The following U2SURP variants were observed in gnomAD, a reference collection of about 807,000 sequenced individuals.
U2SURP encodes the protein U2 snRNP-associated SURP motif-containing protein.
Under a neutral mutation model 144.9 loss-of-function variants are expected in U2SURP, and 9 were observed. The ratio of observed to expected loss-of-function variants is 0.06; its 90% confidence interval spans 0.04 to 0.11. U2SURP has a LOEUF of 0.11. Among genes scored for constraint, U2SURP ranks in the 10% least tolerant of loss-of-function variants. U2SURP has a pLI of 1.00. For missense variants in U2SURP, 724 were observed against 1,226.7 expected, an observed-to-expected ratio of 0.59 and a Z score of 6.12; for synonymous variants, 408 against 396.8, an observed-to-expected ratio of 1.03 and a Z score of -0.33.
intron 16 of U2SURP, among the ~76,000 whole-genome samples, chr3:143,031,483 C>T (rs1560191241): frequency 1.7e-5 from 1 of 60,050 alleles, no homozygotes; most frequent in Non-Finnish European, 3.4e-5. Context: ...ATCAGTTGGC[C>T]ATCAACATTG....
At chr3:143,042,977 T>G in intron 23 of U2SURP, 140 bp from the exon 24 acceptor site, 1 of 752,196 alleles carries the variant, frequency 1.3e-6, no homozygotes, top group South Asian at 3.7e-5. Flanking sequence ...TTGCAAAATA[T>G]GCTTGAGGTA....
At chr3:143,005,574 G>A (rs532596753) in intron 1 of U2SURP, among the ~76,000 whole-genome samples, 1 of 152,224 alleles carries the variant, frequency 6.6e-6, no homozygotes, top group Admixed American at 6.5e-5. Context: ...CCATTTTCTC[G>A]ATTGATAACT....
At chr3:143,052,141 C>G (rs1424897036) in intron 25 of U2SURP, among the ~76,000 whole-genome samples, 2 of 152,176 alleles carry the variant, frequency 1.3e-5, no homozygotes, top group African/African-American at 2.4e-5. Flanking sequence ...AATCCCAGCA[C>G]TTCGGGAGGC....
At chr3:143,041,794 G>T (rs1006882229) in intron 23 of U2SURP, among the ~76,000 whole-genome samples, 1 of 151,956 alleles carries the variant, frequency 6.6e-6, no homozygotes. Context: ...TACCAACATA[G>T]AAGGGCTTGC....
intron 6 of U2SURP, among the ~76,000 whole-genome samples, chr3:143,018,166 A>G (rs1184084791): frequency 6.6e-6 from 1 of 152,206 alleles, no homozygotes; most frequent in African/African-American, 2.4e-5. Context: ...TCACCCTAAA[A>G]AGAAATCCCT....
In U2SURP at chr3:143,060,381, C is replaced by T. The variant is rs1175036661; in HGVS notation, c.*3931C>T. On this transcript the variant is annotated 3_prime_UTR_variant, in exon 28 of 28. Coordinates refer to ENST00000473835, the MANE Select transcript of U2SURP (RefSeq NM_001080415.2). ...GTGAACTGATTCTATAATTTACTTA[C>T]TTTTAATGTAAGGATTAGATTTATT... The T allele has an allele frequency of 1.3e-5, 2 of 151,956 alleles. No individual in the cohort carries two copies. Among genetic ancestry groups the T allele is most frequent in the African/African-American group, 4.8e-5 (2 of 41,426 alleles). The allele number at this position is 151,956 out of a possible 1,614,324, so 9.4% of individuals were successfully genotyped here.
At chr3:143,022,418 A>G (rs1936686719) in intron 10 of U2SURP, 79 bp from the exon 11 acceptor site, 1 of 1,360,118 alleles carries the variant, frequency 7.4e-7, no homozygotes, top group Non-Finnish European at 9.7e-7. Context: ...TTTATTTTGT[A>G]AAAACTACTT....
At chr3:143,035,125 TTTG>T (rs1334925471) in intron 19 of U2SURP, 150 bp downstream of exon 19, 2 of 456,064 alleles carry the variant, frequency 4.4e-6, no homozygotes, top group African/African-American at 4.1e-5. Flanking sequence ...TTCTGTCGTT[TTTG>T]TTTTTATCAA....
Position 143,056,452 on chromosome 3 carries a change from G to C in U2SURP, c.*2G>C. The C allele has an allele frequency of 6.2e-7, 1 of 1,611,078 alleles. No individual in the cohort carries two copies. Among genetic ancestry groups the C allele is most frequent in the Non-Finnish European group, 8.5e-7 (1 of 1,178,630 alleles). The stretch of plus-strand genomic sequence containing the variant: ...AAGTCAAAGAAAAACAAACACTGAC[G>C]TAAATTTTTAAGATGCTGTCACTTA... On this transcript the variant is annotated 3_prime_UTR_variant, in exon 28 of 28. Coordinates refer to ENST00000473835, the MANE Select transcript of U2SURP (RefSeq NM_001080415.2).
chr3:143,031,848 G>T (rs1933519219), intron 16 of U2SURP, among the ~76,000 whole-genome samples: 1 of 152,146 alleles, frequency 6.6e-6, no homozygotes, highest in Admixed American at 6.5e-5. Flanking sequence ...GTGTGATACT[G>T]TTTGAGTGTA....
chr3:143,008,316 T>C (rs1167011642), intron 1 of U2SURP, among the ~76,000 whole-genome samples: 1 of 152,254 alleles, frequency 6.6e-6, no homozygotes, highest in Non-Finnish European at 1.5e-5. Flanking sequence ...TAGGTTCTTG[T>C]ATCTTTTGTT....
rs1166661470 is a variant in U2SURP at position 143,051,048 on chromosome 3, G to A, written c.2654G>A (p.Arg885Gln). The part of the protein sequence containing the change: ...VEHYRDKLLQ[R>Q]EKEKELERER... ...CACTACAGAGATAAACTTCTTCAAC[G>A]AGTAAGGAATAAGTATACCCAATAA... The change falls in exon 25 of 28, where the codon CGA becomes CAA. Residue 885 changes from arginine (R) to glutamine (Q), a missense_variant and splice_region_variant. Physicochemically the swap from Arg to Gln is conservative, Grantham distance 43. Transcript: ENST00000473835. 2 of 1,592,700 alleles carry A rather than the reference G, an allele frequency of 1.3e-6. No homozygotes were observed. Among genetic ancestry groups the A allele is most frequent in the Non-Finnish European group, 8.6e-7 (1 of 1,165,668 alleles).
chr3:143,034,142 G>C lies in U2SURP; in HGVS notation c.1854-746G>C, dbSNP rs1260334409. 2.0e-5 allele frequency among the ~76,000 whole-genome samples: 3 copies of C among 152,132 alleles called. No individual in the cohort carries two copies. The East Asian group carries it at 5.8e-4, about 29-fold the overall frequency. On this transcript the variant is annotated intron_variant, in intron 18 of 27. Coordinates refer to ENST00000473835, the MANE Select transcript of U2SURP (RefSeq NM_001080415.2). Reference sequence around the variant, plus strand: ...AATTCAGCTGGGCACAGTGGCTCACGCCTGTAATCTCAGCACTTTGGGAGG... The same window carrying C: ...AATTCAGCTGGGCACAGTGGCTCACCCCTGTAATCTCAGCACTTTGGGAGG...
At chr3:143,020,800 A>C (rs1172539440) in intron 8 of U2SURP, 107 bp downstream of exon 8, 4 of 801,564 alleles carry the variant, frequency 5.0e-6, no homozygotes, top group Non-Finnish European at 8.3e-6. Flanking sequence ...GTCTGAAACC[A>C]TGGATATATA....
intron 18 of U2SURP, among the ~76,000 whole-genome samples, chr3:143,033,729 T>G (rs544775063): frequency 6.6e-6 from 1 of 152,270 alleles, no homozygotes; most frequent in South Asian, 2.1e-4. Flanking sequence ...TCTGTGGATT[T>G]TGGTGTCCAT....
intron 25 of U2SURP, among the ~76,000 whole-genome samples, chr3:143,053,239 G>A (rs1197157991): frequency 1.3e-5 from 2 of 152,130 alleles, no homozygotes; most frequent in South Asian, 2.1e-4. Context: ...CGGCAGGTGG[G>A]ACAGTGGGGG....
chr3:143,053,567 G>C, intron 25 of U2SURP, 109 bp from the exon 26 acceptor site: 3 of 778,844 alleles, frequency 3.9e-6, no homozygotes, highest in Non-Finnish European at 5.8e-6. Flanking sequence ...TGTACCTTAA[G>C]TAGTAATTTA....
At chr3:143,031,605 A>G (rs1933500823) in intron 16 of U2SURP, among the ~76,000 whole-genome samples, 2 of 152,208 alleles carry the variant, frequency 1.3e-5, no homozygotes, top group Non-Finnish European at 2.9e-5. Flanking sequence ...GTTTTTTTAG[A>G]CATACTGCTA....
intron 18 of U2SURP, among the ~76,000 whole-genome samples, chr3:143,033,572 A>G (rs1215664542): frequency 1.3e-5 from 2 of 152,148 alleles, no homozygotes; most frequent in Non-Finnish European, 2.9e-5. Flanking sequence ...TTTCCTTGTC[A>G]TTTTCTAAAC....
Sources: gnomAD v4.1 joint callset for allele counts (sites outside exome capture counted in the v4.1 genomes callset) on GRCh38, gnomAD v4.1.1 for gene constraint, MANE v1.5 for transcripts, NCBI Gene and HGNC (gene_info 2026-07-23, HGNC 2026-07-21) for gene names.